Variants in FAM227B observed in about 807,000 individuals in gnomAD.
FAM227B encodes protein FAM227B.
A neutral mutation model predicts 73.8 loss-of-function variants in FAM227B; 88 were observed. That is an observed-to-expected ratio of 1.19 (90% CI 1.00 to 1.42). The LOEUF is 1.42. Among genes scored for constraint, FAM227B ranks in the 40% most tolerant of loss-of-function variants. The probability of loss-of-function intolerance (pLI) is 0.00; values close to 1 mark genes in which losing one functional copy is unlikely to be tolerated. For synonymous variants in FAM227B, 210 were observed against 190.5 expected, an observed-to-expected ratio of 1.10 and a Z score of -0.84; for missense variants, 632 against 590.9, an observed-to-expected ratio of 1.07 and a Z score of -0.72.
Position 49,470,520 on chromosome 15 carries a change from C to T in FAM227B, c.1012+37691G>A, listed in dbSNP as rs1266520388. 2.6e-5 allele frequency among the ~76,000 whole-genome samples: 4 copies of T among 152,152 alleles called. 1 individual carries two copies. The highest frequency in any genetic ancestry group is 4.1e-4 in the South Asian group (2 of 4,832). On this transcript the variant is annotated intron_variant, in intron 11 of 15. Transcript: ENST00000299338. ...TAATATCTTCATAAAAACTCCAACA[C>T]ATTATCACTCCCACCTAGTAAAAAT...
In FAM227B at chr15:49,493,116, A is replaced by G. The variant is rs186708766; in HGVS notation, c.1012+15095T>C. Among the ~76,000 whole-genome samples, 308 of 151,896 alleles carry G rather than the reference A, an allele frequency of 2.0e-3. 2 individuals are homozygous for G. Among genetic ancestry groups the G allele is most frequent in the African/African-American group, 7.1e-3 (295 of 41,472 alleles). On this transcript the variant is annotated intron_variant, in intron 11 of 15. Coordinates refer to ENST00000299338, the MANE Select transcript of FAM227B (RefSeq NM_152647.3). ...CCCTCAGTCTCATCTCTTCCTCACT[A>G]CTTTCATGACCTCATTAAATTGTAC...
intron 11 of FAM227B, among the ~76,000 whole-genome samples, chr15:49,376,653 C>G (rs2046181597): frequency 6.6e-6 from 1 of 152,012 alleles, no homozygotes; most frequent in African/African-American, 2.4e-5. Flanking sequence ...AAACAGGTAG[C>G]TAGAATTTAA....
chr15:49,549,635 C>T (rs1466943096), intron 9 of FAM227B, among the ~76,000 whole-genome samples: 1 of 151,696 alleles, frequency 6.6e-6, no homozygotes, highest in African/African-American at 2.4e-5. Context: ...TCCGAGAGCA[C>T]AGGGTTGGGG....
In FAM227B at chr15:49,372,711, A is replaced by G. The variant is rs1025098083; in HGVS notation, c.1013-1312T>C. Among the ~76,000 whole-genome samples, 8 of 152,292 alleles carry G rather than the reference A, an allele frequency of 5.3e-5. No individual in the cohort carries two copies. The South Asian group carries it at 1.7e-3, about 32-fold the overall frequency. ...AGCTAGGTATTAAGTGTATCTTAAC[A>G]TCTGAGAAAAAAGGTGATCTGAGAG... On this transcript the variant is annotated intron_variant, in intron 11 of 15. Coordinates refer to ENST00000299338, the MANE Select transcript of FAM227B (RefSeq NM_152647.3).
At chr15:49,408,538 G>A (rs1397482972) in intron 11 of FAM227B, among the ~76,000 whole-genome samples, 3 of 152,136 alleles carry the variant, frequency 2.0e-5, no homozygotes, top group Non-Finnish European at 4.4e-5. Context: ...TCGTTTTGAA[G>A]TGAAGATAAA....
intron 4 of FAM227B, among the ~76,000 whole-genome samples, chr15:49,588,550 T>TATATATAC: frequency 3.5e-4 from 1 of 2,820 alleles, no homozygotes; most frequent in Non-Finnish European, 5.9e-4. Context: ...TTGAGGACTA[T>TATATATAC]ATATATATAT....
intron 13 of FAM227B, among the ~76,000 whole-genome samples, chr15:49,359,682 G>A (rs1028309040): frequency 2.2e-4 from 30 of 136,910 alleles, no homozygotes; most frequent in African/African-American, 6.9e-4. Flanking sequence ...TCAGTGTGGC[G>A]ATTCCTCAGG....
intron 11 of FAM227B, among the ~76,000 whole-genome samples, chr15:49,435,530 C>T (rs2051025869): frequency 6.6e-6 from 1 of 151,514 alleles, no homozygotes; most frequent in African/African-American, 2.4e-5. Flanking sequence ...ATTAGGCTCA[C>T]CTCCCTTCTT....
intron 11 of FAM227B, among the ~76,000 whole-genome samples, chr15:49,411,000 G>A (rs946543955): frequency 7.0e-6 from 1 of 143,314 alleles, no homozygotes; most frequent in Non-Finnish European, 1.5e-5. Context: ...GTGTGTATCT[G>A]TGTGTGGGGG....
chr15:49,334,693 G>A (rs1287995889), intron 14 of FAM227B, among the ~76,000 whole-genome samples: 3 of 152,276 alleles, frequency 2.0e-5, no homozygotes, highest in South Asian at 2.1e-4. Context: ...AGATCTGCCC[G>A]CTGGATAGGA....
At chr15:49,567,690 TA>T (rs2074768105) in intron 9 of FAM227B, among the ~76,000 whole-genome samples, 1 of 152,120 alleles carries the variant, frequency 6.6e-6, no homozygotes, top group South Asian at 2.1e-4. Context: ...TGCTAAATAT[TA>T]AACTTAAAAA....
At chr15:49,616,528 G>C (rs540632723) in intron 1 of FAM227B, among the ~76,000 whole-genome samples, 1 of 152,176 alleles carries the variant, frequency 6.6e-6, no homozygotes, top group Non-Finnish European at 1.5e-5. Context: ...AAGAGGCTTT[G>C]TAAGGACATG....
chr15:49,359,096 A>G (rs1265733090), intron 13 of FAM227B, among the ~76,000 whole-genome samples: 2 of 152,076 alleles, frequency 1.3e-5, no homozygotes, highest in African/African-American at 2.4e-5. Flanking sequence ...TTCAAGATAG[A>G]TTAAAGACTT....
chr15:49,508,040 G>A lies in FAM227B; in HGVS notation c.1012+171C>T, dbSNP rs148308553. On this transcript the variant is annotated intron_variant, in intron 11 of 15. Coordinates refer to ENST00000299338, the MANE Select transcript of FAM227B (RefSeq NM_152647.3). ...TTAAAAAATCATTATTTTGTAACAG[G>A]CAAATGGAAAAAGGACTTAAGTGTG... Among the ~76,000 whole-genome samples the A allele has an allele frequency of 7.2e-3, 1,099 of 152,090 alleles. 6 individuals carry two copies. The highest frequency in any genetic ancestry group is 0.012 in the Non-Finnish European group (816 of 67,966).
chr15:49,591,038 T>C (rs542129621), intron 3 of FAM227B, among the ~76,000 whole-genome samples: 2 of 134,378 alleles, frequency 1.5e-5, no homozygotes, highest in Admixed American at 7.8e-5. Flanking sequence ...TGTTTTTTTT[T>C]TTTTTGATTT....
At chr15:49,483,292 C>T in intron 11 of FAM227B, 1 of 1,052,372 alleles carries the variant, frequency 9.5e-7, no homozygotes. Flanking sequence ...ATTTTTAAAA[C>T]TCATTTTTGT....
chr15:49,507,339 G>T (rs1202633066), intron 11 of FAM227B, among the ~76,000 whole-genome samples: 2 of 152,006 alleles, frequency 1.3e-5, no homozygotes, highest in Non-Finnish European at 2.9e-5. Flanking sequence ...GAGTAGGCTG[G>T]GTAGGTTAAT....
At chr15:49,418,906 A>G (rs2049401792) in intron 11 of FAM227B, among the ~76,000 whole-genome samples, 1 of 152,144 alleles carries the variant, frequency 6.6e-6, no homozygotes, top group South Asian at 2.1e-4. Context: ...CTGCTCTTCC[A>G]GTTTGGTAAA....
chr15:49,539,944 T>G (rs2070824023), intron 10 of FAM227B, among the ~76,000 whole-genome samples: 1 of 152,198 alleles, frequency 6.6e-6, no homozygotes, highest in South Asian at 2.1e-4. Flanking sequence ...AGCTGAGGCC[T>G]AGAATGTGGG....
Sources: allele counts gnomAD v4.1 joint callset (sites outside exome capture counted in the v4.1 genomes callset), GRCh38; gene constraint gnomAD v4.1.1; transcripts MANE v1.5; gene names NCBI Gene and HGNC (gene_info 2026-07-23, HGNC 2026-07-21).